Variants in JAKMIP3 observed in about 807,000 individuals in gnomAD.
The protein encoded by JAKMIP3 is Janus kinase and microtubule interacting protein 3.
JAKMIP3 carries 58 observed loss-of-function variants against 118.5 expected under a neutral mutation model. That is an observed-to-expected ratio of 0.49 (90% confidence interval 0.40 to 0.61). JAKMIP3 has a LOEUF of 0.61. Ranked by LOEUF, JAKMIP3 falls within the 20% of genes least tolerant of loss-of-function variation. The pLI is 0.00. For missense variants in JAKMIP3, 950 were observed against 1,109.0 expected (o/e 0.86, Z 2.04); for synonymous variants, 486 against 451.2 (o/e 1.08, Z -0.98).
At chr10:132,051,924 A>C (rs1050456337) in intron 1 of JAKMIP3, among the ~76,000 whole-genome samples, 5 of 152,204 alleles carry the variant, frequency 3.3e-5, no homozygotes, top group African/African-American at 9.6e-5. Flanking sequence ...TATTTTTCTA[A>C]AAGCATATTT....
At chr10:132,135,193 G>T (rs769444081) in intron 5 of JAKMIP3, 33 bp downstream of exon 5, 1 of 1,574,854 alleles carries the variant, frequency 6.3e-7, no homozygotes, top group Non-Finnish European at 8.7e-7. Context: ...GGCTCCTGGG[G>T]GTTTGTGACT....
At chr10:132,080,084 G>A (rs190221696) in intron 1 of JAKMIP3, among the ~76,000 whole-genome samples, 3 of 152,314 alleles carry the variant, frequency 2.0e-5, no homozygotes, top group East Asian at 3.9e-4. Flanking sequence ...GGAGGCTGAC[G>A]CAGGATAATT....
rs1208561730 is a variant in JAKMIP3 at position 132,180,692 on chromosome 10, C to CGT, written c.*1104-1663_*1104-1662dup. Among the ~76,000 whole-genome samples the CGT allele has an allele frequency of 3.9e-3, 44 of 11,264 alleles. 3 individuals carry two copies. Among genetic ancestry groups the CGT allele is most frequent in the African/African-American group, 7.6e-3 (20 of 2,642 alleles). The allele number at this position is 11,264 out of a possible 152,430, so 7.4% of individuals were successfully genotyped here. ...GTGTGTGTGCGCGCGCGTGTGTGTG[C>CGT]GTGCGTGTGTGTGTGCGCGTGTGTG... On this transcript the variant is annotated intron_variant, in intron 23 of 23. Coordinates refer to ENST00000684848, the MANE Select transcript of JAKMIP3 (RefSeq NM_001323087.2).
Position 132,168,537 on chromosome 10 carries a change from C to T in JAKMIP3, c.*607C>T. The T allele has an allele frequency of 2.2e-6, 1 of 447,854 alleles. No homozygotes were observed. Among genetic ancestry groups the T allele is most frequent in the Non-Finnish European group, 3.8e-6 (1 of 261,778 alleles). The allele number at this position is 447,854 out of a possible 1,614,324, so 27.7% of individuals were successfully genotyped here. A position where few individuals can be genotyped will look rare whatever the true frequency, so the allele number is the denominator to read the frequency against. ...GGGGTCCTGAGCACCCGCTGGCCAA[C>T]AGACCCCACATCCACCCTCGTTCAT... is the stretch of plus-strand genomic sequence containing the variant. On this transcript the variant is annotated 3_prime_UTR_variant, in exon 23 of 24. Transcript: ENST00000684848.
intron 2 of JAKMIP3, among the ~76,000 whole-genome samples, chr10:132,106,365 A>AAAAAC (rs71485802): frequency 1.3e-4 from 20 of 151,466 alleles, no homozygotes; most frequent in African/African-American, 2.2e-4. Context: ...TTTAAAAAAA[A>AAAAAC]AAACCCACAG....
intron 2 of JAKMIP3, among the ~76,000 whole-genome samples, chr10:132,113,917 C>A (rs1564913495): frequency 6.6e-6 from 1 of 152,258 alleles, no homozygotes; most frequent in Non-Finnish European, 1.5e-5. Context: ...GACAGCGTTA[C>A]TGTCCCGTCC....
chr10:132,062,435 T>C (rs1212698022), upstream of JAKMIP3, among the ~76,000 whole-genome samples: 1 of 152,086 alleles, frequency 6.6e-6, no homozygotes, highest in Non-Finnish European at 1.5e-5. Flanking sequence ...TTTACAATGA[T>C]GCGAAAACAG....
At chr10:132,065,126 C>T (rs1243262472), upstream of JAKMIP3, among the ~76,000 whole-genome samples, 1 of 152,094 alleles carries the variant, frequency 6.6e-6, no homozygotes, top group African/African-American at 2.4e-5. The surrounding 1 kb of genome is among the most constrained non-coding windows in gnomAD (Gnocchi z 5.6). Flanking sequence ...TCAGGCCACC[C>T]GCACCGGCAG....
intron 1 of JAKMIP3, among the ~76,000 whole-genome samples, chr10:132,055,829 C>G (rs2038223575): frequency 6.6e-6 from 1 of 152,192 alleles, no homozygotes; most frequent in South Asian, 2.1e-4. Context: ...GTGCAGAGAG[C>G]CCAGTAATTA....
intron 1 of JAKMIP3, among the ~76,000 whole-genome samples, chr10:132,099,761 C>G (rs2044530173): frequency 6.6e-6 from 1 of 152,232 alleles, no homozygotes; most frequent in Non-Finnish European, 1.5e-5. Flanking sequence ...TCAGGCCAGT[C>G]CCCTGGGCAC....
chr10:132,064,800 A>AG (rs1349252291), upstream of JAKMIP3, among the ~76,000 whole-genome samples: 1 of 151,948 alleles, frequency 6.6e-6, no homozygotes, highest in African/African-American at 2.4e-5. The surrounding 1 kb of genome is among the most constrained non-coding windows in gnomAD (Gnocchi z 4.4). Flanking sequence ...AGTAACCCGA[A>AG]GTCCTGGCCT....
At position 132,183,953 on chromosome 10, in the gene JAKMIP3, T is replaced by G. The variant is rs1362699286; in HGVS notation, c.*2700T>G. On this transcript the variant is annotated 3_prime_UTR_variant, in exon 24 of 24. Coordinates refer to ENST00000684848, the MANE Select transcript of JAKMIP3 (RefSeq NM_001323087.2). ...CTAGAGTGAATTTCCTCCAAGTACTTGGGCTGTCTTACTGCTAGCTCTTCT... is the reference window on the plus strand; with the variant it reads ...CTAGAGTGAATTTCCTCCAAGTACTGGGGCTGTCTTACTGCTAGCTCTTCT... The G allele has an allele frequency of 6.6e-6, 1 of 152,208 alleles. No individual in the cohort carries two copies. Among genetic ancestry groups the G allele is most frequent in the African/African-American group, 2.4e-5 (1 of 41,444 alleles). 9.4% of individuals were successfully genotyped at this position (152,208 alleles called of 1,614,324 possible). A position where few individuals can be genotyped will look rare whatever the true frequency, so the allele number is the denominator to read the frequency against.
rs1256179775 is a variant in JAKMIP3, at chr10:132,139,565, A to T, written c.1345-886A>T. Among the ~76,000 whole-genome samples the T allele has an allele frequency of 3.9e-5, 5 of 126,634 alleles. No homozygotes were observed. In the East Asian group the frequency reaches 1.7e-3, roughly 43 times the overall value. The allele number at this position is 126,634 out of a possible 152,430, so 83.1% of individuals were successfully genotyped here. On this transcript the variant is annotated intron_variant, in intron 9 of 23. Coordinates refer to ENST00000684848, the MANE Select transcript of JAKMIP3 (RefSeq NM_001323087.2). ...GTCAGCAGTGTTTTCTCGCTGTTAG[A>T]CTGTGAGATGCTCCTCGGTCACAAA...
intron 4 of JAKMIP3, among the ~76,000 whole-genome samples, chr10:132,134,622 C>T (rs1463516351): frequency 6.6e-6 from 1 of 152,182 alleles, no homozygotes; most frequent in Non-Finnish European, 1.5e-5. Flanking sequence ...GCAGGGGGCG[C>T]GCACCCTCCT....
At chr10:132,173,914 G>A (rs1397567717) in intron 23 of JAKMIP3, among the ~76,000 whole-genome samples, 19 of 56,644 alleles carry the variant, frequency 3.4e-4, no homozygotes, top group Admixed American at 1.1e-3. Context: ...GGTGTGTGGT[G>A]GCCTGTGGTA....
At chr10:132,147,736 C>T (rs956841557) in intron 13 of JAKMIP3, among the ~76,000 whole-genome samples, 1 of 152,260 alleles carries the variant, frequency 6.6e-6, no homozygotes, top group Non-Finnish European at 1.5e-5. Context: ...GTATGCGGTG[C>T]TGCCTGCCCA....
intron 14 of JAKMIP3, among the ~76,000 whole-genome samples, chr10:132,148,441 TCCGTCCTCCATCTGC>T (rs891862123): frequency 3.3e-5 from 5 of 150,538 alleles, no homozygotes; most frequent in East Asian, 4.0e-4. Context: ...AGCTGGCACG[TCCGTCCTCCATCTGC>T]CCGTCCTCCA....
Position 132,182,654 on chromosome 10 carries a change from C to G in JAKMIP3, c.*1401C>G, listed in dbSNP as rs556195996. 1 of 150,324 alleles carries G rather than the reference C, an allele frequency of 6.7e-6. No individual in the cohort carries two copies. Among genetic ancestry groups the G allele is most frequent in the South Asian group, 2.1e-4 (1 of 4,822 alleles). 9.3% of individuals were successfully genotyped at this position (150,324 alleles called of 1,614,324 possible). ...ATTTCGAGGCACCTAGAAGTTGAGGCAGCCAGCTGTGCAGCCAGGTGTGAC... is the reference window on the plus strand; with the variant it reads ...ATTTCGAGGCACCTAGAAGTTGAGGGAGCCAGCTGTGCAGCCAGGTGTGAC... On this transcript the variant is annotated 3_prime_UTR_variant, in exon 24 of 24. Coordinates refer to ENST00000684848, the MANE Select transcript of JAKMIP3 (RefSeq NM_001323087.2).
chr10:132,174,005 G>GTGTGGTGTGTC (rs1478950823), intron 23 of JAKMIP3, among the ~76,000 whole-genome samples: 6 of 148,826 alleles, frequency 4.0e-5, no homozygotes, highest in South Asian at 2.2e-4. Flanking sequence ...CTGTGGTAGT[G>GTGTGGTGTGTC]TGTGGTGTGT....
Sources: allele counts gnomAD v4.1 joint callset (sites outside exome capture counted in the v4.1 genomes callset), GRCh38; gene constraint gnomAD v4.1.1; non-coding constraint Gnocchi (gnomAD v3.1); transcripts MANE v1.5; gene names NCBI Gene and HGNC (gene_info 2026-07-23, HGNC 2026-07-21).